The following TRMT9B variants were observed in gnomAD, a reference collection of about 807,000 sequenced individuals.
TRMT9B encodes probable tRNA methyltransferase 9B.
In TRMT9B, 16 loss-of-function variants were observed where a neutral mutation model predicts 11.5. That is an observed-to-expected ratio of 1.39 (90% CI 0.94 to 2.11). TRMT9B has a LOEUF of 2.11. TRMT9B is among the 30% of genes most tolerant of loss of function. The pLI is 0.00. For synonymous variants in TRMT9B, 274 were observed against 192.4 expected, an observed-to-expected ratio of 1.42 and a Z score of -3.51; for missense variants, 941 against 553.8, an observed-to-expected ratio of 1.70 and a Z score of -7.02.
At chr8:12,964,902 C>G (rs1485285215) in intron 1 of TRMT9B, among the ~76,000 whole-genome samples, 1 of 152,088 alleles carries the variant, frequency 6.6e-6, no homozygotes, top group Non-Finnish European at 1.5e-5. Flanking sequence ...AGAGATAAGA[C>G]TGTTTTCTTA....
chr8:12,969,704 C>T (rs1803318823), intron 1 of TRMT9B, among the ~76,000 whole-genome samples: 1 of 151,348 alleles, frequency 6.6e-6, no homozygotes, highest in Non-Finnish European at 1.5e-5. Context: ...TCTCTCTATA[C>T]CGCAGGCTGG....
chr8:12,983,184 C>T (rs1805699162), intron 1 of TRMT9B, among the ~76,000 whole-genome samples: 1 of 152,186 alleles, frequency 6.6e-6, no homozygotes, highest in Admixed American at 6.5e-5. Flanking sequence ...ATGAAGATGA[C>T]ATTGTCAACA....
At position 13,027,295 on chromosome 8, in the gene TRMT9B, A is replaced by G. The variant is rs579253; in HGVS notation, c.*5251A>G. The G allele has an allele frequency of 0.098, 16,415 of 167,026 alleles. 939 individuals are homozygous for G. Among genetic ancestry groups the G allele is most frequent in the African/African-American group, 0.14 (5,937 of 41,504 alleles). The allele number at this position is 167,026 out of a possible 1,614,324, so 10.3% of individuals were successfully genotyped here. A position where few individuals can be genotyped will look rare whatever the true frequency, so the allele number is the denominator to read the frequency against. On this transcript the variant is annotated 3_prime_UTR_variant, in exon 5 of 5. Transcript: ENST00000524591. The stretch of plus-strand genomic sequence containing the variant: ...CATTCTTCGTATTCCCTGTGTGCCT[A>G]TTACCAAGTTATATTGTTTAGTTTG...
In TRMT9B at chr8:13,028,114, G is replaced by A. The variant is rs1187611858; in HGVS notation, c.*6070G>A. On this transcript the variant is annotated 3_prime_UTR_variant, in exon 5 of 5. Coordinates refer to ENST00000524591, the MANE Select transcript of TRMT9B (RefSeq NM_020844.3). ...ATTTTTAATTCCCCAGGGATCCTAC[G>A]GTCTATGACACATTAACAGGGGTGT... is the stretch of plus-strand genomic sequence containing the variant. 5 of 167,114 alleles carry A rather than the reference G, an allele frequency of 3.0e-5. No homozygotes were observed. The highest frequency in any genetic ancestry group is 2.0e-4 in the Admixed American group (3 of 15,292). The allele number at this position is 167,114 out of a possible 1,614,324, so 10.4% of individuals were successfully genotyped here. A position where few individuals can be genotyped will look rare whatever the true frequency, so the allele number is the denominator to read the frequency against.
chr8:12,991,214 G>T (rs929205142), intron 2 of TRMT9B, among the ~76,000 whole-genome samples, 183 bp downstream of exon 2: 1 of 151,994 alleles, frequency 6.6e-6, no homozygotes, highest in Non-Finnish European at 1.5e-5. Flanking sequence ...AGTTGTACAG[G>T]GTATGTAAAA....
intron 1 of TRMT9B, among the ~76,000 whole-genome samples, chr8:12,950,537 T>TTTTTCTTTCTTTC (rs140867873): frequency 6.7e-6 from 1 of 149,358 alleles, no homozygotes; most frequent in Non-Finnish European, 1.5e-5. Flanking sequence ...ACTCGTGGTT[T>TTTTTCTTTCTTTC]TTTCTTTCTT....
intron 4 of TRMT9B, among the ~76,000 whole-genome samples, chr8:13,014,079 A>C (rs7004313): frequency 2.0e-5 from 3 of 152,214 alleles, no homozygotes; most frequent in South Asian, 2.1e-4. Context: ...AAATAGATGA[A>C]AGATTGATTT....
intron 1 of TRMT9B, among the ~76,000 whole-genome samples, chr8:12,981,604 A>AT (rs149457142): frequency 0.019 from 2,902 of 150,628 alleles, 70 homozygotes; most frequent in African/African-American, 0.055. Flanking sequence ...TTATTTATTT[A>AT]TTTTTTTTTG....
intron 2 of TRMT9B, among the ~76,000 whole-genome samples, chr8:12,999,501 A>G (rs1809004876): frequency 6.6e-6 from 1 of 152,166 alleles, no homozygotes; most frequent in African/African-American, 2.4e-5. Context: ...AGTTTGTTAT[A>G]TGTCAATTAT....
At chr8:12,974,397 G>A (rs899990328) in intron 1 of TRMT9B, among the ~76,000 whole-genome samples, 3 of 152,168 alleles carry the variant, frequency 2.0e-5, no homozygotes, top group Admixed American at 2.0e-4. Flanking sequence ...TACACTGGAC[G>A]GGGAATCAAT....
intron 3 of TRMT9B, among the ~76,000 whole-genome samples, chr8:13,009,107 G>A (rs965423480): frequency 5.3e-5 from 8 of 152,072 alleles, no homozygotes; most frequent in African/African-American, 1.9e-4. Context: ...GCGACAACAC[G>A]GAGGAACCTG....
At chr8:13,006,796 A>C (rs1035372431) in intron 3 of TRMT9B, 26 of 419,678 alleles carry the variant, frequency 6.2e-5, no homozygotes, top group Non-Finnish European at 7.2e-5. Context: ...AGACTCCCAA[A>C]TAGCTATGAT....
rs190927053 is a variant in TRMT9B, at chr8:12,997,191, C to T, written c.-2+6160C>T. 2.6e-3 allele frequency among the ~76,000 whole-genome samples: 393 copies of T among 152,042 alleles called. 2 individuals carry two copies. Among genetic ancestry groups the T allele is most frequent in the Admixed American group, 4.5e-3 (69 of 15,266 alleles). ...TGACCCCCAATGTTGGAGGTGGGGACTATTGGGATGTGTTCGGGTTATGGT... is the reference window on the plus strand; with the variant it reads ...TGACCCCCAATGTTGGAGGTGGGGATTATTGGGATGTGTTCGGGTTATGGT... On this transcript the variant is annotated intron_variant, in intron 2 of 4. Coordinates refer to ENST00000524591, the MANE Select transcript of TRMT9B (RefSeq NM_020844.3).
intron 2 of TRMT9B, among the ~76,000 whole-genome samples, chr8:13,004,250 C>T (rs1025495907): frequency 7.2e-5 from 11 of 151,964 alleles, no homozygotes; most frequent in African/African-American, 2.7e-4. Context: ...GACTGCAGCT[C>T]CTAGGTGAGT....
At chr8:12,980,404 T>G (rs1001866085) in intron 1 of TRMT9B, among the ~76,000 whole-genome samples, 1 of 151,346 alleles carries the variant, frequency 6.6e-6, no homozygotes, top group African/African-American at 2.4e-5. Context: ...TATAAACCCT[T>G]TTTTCCAAAT....
intron 3 of TRMT9B, chr8:13,011,821 T>C (rs1470020516): frequency 1.0e-6 from 1 of 962,840 alleles, no homozygotes; most frequent in Non-Finnish European, 1.2e-6. Flanking sequence ...TAGCAATGAA[T>C]AGAGATTGGA....
chr8:12,997,583 C>T (rs1193801135), intron 2 of TRMT9B, among the ~76,000 whole-genome samples: 1 of 152,174 alleles, frequency 6.6e-6, no homozygotes, highest in East Asian at 1.9e-4. Context: ...AACTTCCATG[C>T]TACCCTGGTA....
At position 13,026,700 on chromosome 8, in the gene TRMT9B, C is replaced by T. The variant is rs1213819147; in HGVS notation, c.*4656C>T. On this transcript the variant is annotated 3_prime_UTR_variant, in exon 5 of 5. Coordinates refer to ENST00000524591, the MANE Select transcript of TRMT9B (RefSeq NM_020844.3). ...AAATTAAATTGCTTAAGGTTACACA[C>T]ATAGTAGGTATCACACATTTAGTTA... 2 of 167,108 alleles carry T rather than the reference C, an allele frequency of 1.2e-5. No homozygotes were observed. The highest frequency in any genetic ancestry group is 2.9e-5 in the Non-Finnish European group (2 of 68,128). The allele number at this position is 167,108 out of a possible 1,614,324, so 10.4% of individuals were successfully genotyped here.
chr8:12,974,949 G>C (rs1804210154), intron 1 of TRMT9B, among the ~76,000 whole-genome samples: 1 of 150,826 alleles, frequency 6.6e-6, no homozygotes, highest in East Asian at 1.9e-4. Flanking sequence ...ATTTGTGAAA[G>C]AACTTTGCCA....
Sources: gnomAD v4.1 joint callset for allele counts (sites outside exome capture counted in the v4.1 genomes callset) on GRCh38, gnomAD v4.1.1 for gene constraint, MANE v1.5 for transcripts, NCBI Gene and HGNC (gene_info 2026-07-23, HGNC 2026-07-21) for gene names.